CCDC12: variants seen among roughly 807,000 people sequenced by gnomAD.
CCDC12 encodes coiled-coil domain containing 12, also known as coiled-coil domain-containing protein 12.
In CCDC12, 28 loss-of-function variants were observed where a neutral mutation model predicts 25.7. The observed-to-expected ratio is 1.09, with a 90% CI of 0.81 to 1.50. CCDC12 has a LOEUF of 1.50. CCDC12 is among the 40% of genes most tolerant of loss of function. The probability of loss-of-function intolerance (pLI) is 0.00; values close to 1 mark genes in which losing one functional copy is unlikely to be tolerated. For synonymous variants in CCDC12, 75 were observed against 87.7 expected (o/e 0.86, Z 0.81); for missense variants, 198 against 210.0 (o/e 0.94, Z 0.35).
intron 1 of CCDC12, among the ~76,000 whole-genome samples, chr3:46,960,943 T>G: frequency 6.6e-6 from 1 of 151,056 alleles, no homozygotes; most frequent in East Asian, 2.0e-4. Flanking sequence ...TTGGGGTTTG[T>G]AGGTGTGGGT....
At chr3:46,959,626 C>T (rs981593142) in intron 1 of CCDC12, among the ~76,000 whole-genome samples, 1 of 152,162 alleles carries the variant, frequency 6.6e-6, no homozygotes, top group Non-Finnish European at 1.5e-5. Flanking sequence ...CCTCGAGCTA[C>T]CACAGTTGAG....
intron 1 of CCDC12, among the ~76,000 whole-genome samples, chr3:46,974,765 T>A (rs1413974265): frequency 6.6e-6 from 1 of 152,224 alleles, no homozygotes; most frequent in Non-Finnish European, 1.5e-5. Flanking sequence ...CAGGTCTAGC[T>A]ATTTAACATT....
At chr3:46,975,365 A>G (rs780558417) in intron 1 of CCDC12, among the ~76,000 whole-genome samples, 21 of 151,612 alleles carry the variant, frequency 1.4e-4, no homozygotes, top group Non-Finnish European at 2.8e-4. Context: ...TTGTATTTTC[A>G]GTAGAAATGG....
chr3:46,930,465 G>A (rs2033161441), intron 2 of CCDC12, among the ~76,000 whole-genome samples: 1 of 152,190 alleles, frequency 6.6e-6, no homozygotes. Context: ...GAGTCTATGG[G>A]AAGGAGGGCA....
intron 2 of CCDC12, among the ~76,000 whole-genome samples, chr3:46,937,516 C>T (rs765259734): frequency 6.6e-6 from 1 of 152,208 alleles, no homozygotes; most frequent in Non-Finnish European, 1.5e-5. Flanking sequence ...GAAGGATGCT[C>T]ACTGGCGAAT....
chr3:46,955,940 C>T (rs1356688355), intron 1 of CCDC12, among the ~76,000 whole-genome samples: 3 of 152,208 alleles, frequency 2.0e-5, no homozygotes, highest in Non-Finnish European at 4.4e-5. Flanking sequence ...CCCACCAATA[C>T]CCCGGAATCA....
chr3:46,962,292 G>C (rs778065679), intron 1 of CCDC12, among the ~76,000 whole-genome samples: 2 of 151,774 alleles, frequency 1.3e-5, no homozygotes, highest in Admixed American at 6.6e-5. Context: ...AAATTAGCTG[G>C]GCATGGTGGT....
At chr3:46,922,706 A>C (rs1457549999) in intron 5 of CCDC12, 2 of 306,966 alleles carry the variant, frequency 6.5e-6, no homozygotes, top group African/African-American at 4.3e-5. Flanking sequence ...CCAGAAGTGC[A>C]CAAGCACTCA....
At chr3:46,936,415 G>A (rs1417329477) in intron 2 of CCDC12, among the ~76,000 whole-genome samples, 3 of 152,172 alleles carry the variant, frequency 2.0e-5, no homozygotes, top group Non-Finnish European at 2.9e-5. Context: ...AGGACCTCAC[G>A]GTGCCTTCCT....
At chr3:46,929,331 G>T (rs80272914) in intron 2 of CCDC12, among the ~76,000 whole-genome samples, 1 of 152,320 alleles carries the variant, frequency 6.6e-6, no homozygotes, top group African/African-American at 2.4e-5. Context: ...AAAAAGGAAA[G>T]TCAAGAAACA....
chr3:46,945,179 C>G (rs767862508), intron 1 of CCDC12, among the ~76,000 whole-genome samples: 1 of 152,206 alleles, frequency 6.6e-6, no homozygotes, highest in Non-Finnish European at 1.5e-5. Flanking sequence ...CCTCTCAGCA[C>G]GGGGCATCTC....
intron 5 of CCDC12, chr3:46,923,034 C>T (rs374492555): frequency 1.9e-5 from 6 of 317,626 alleles, no homozygotes; most frequent in Non-Finnish European, 2.9e-5. Flanking sequence ...CCAAAGACAG[C>T]GGTTGGCCTT....
At chr3:46,951,299 G>C (rs2034105512) in intron 1 of CCDC12, among the ~76,000 whole-genome samples, 1 of 152,074 alleles carries the variant, frequency 6.6e-6, no homozygotes, top group South Asian at 2.1e-4. Flanking sequence ...GTTTAAGGGA[G>C]CTACTGCACA....
intron 1 of CCDC12, among the ~76,000 whole-genome samples, chr3:46,968,421 C>T (rs2034702374): frequency 6.6e-6 from 1 of 152,146 alleles, no homozygotes; most frequent in Non-Finnish European, 1.5e-5. Context: ...TCCCCACTTA[C>T]AAGAGGGTAA....
intron 1 of CCDC12, among the ~76,000 whole-genome samples, chr3:46,964,647 C>T (rs2107187043): frequency 6.6e-6 from 1 of 152,288 alleles, no homozygotes; most frequent in South Asian, 2.1e-4. Context: ...GATCTATGAC[C>T]TTACCCCCAA....
chr3:46,933,847 GCA>G (rs1334173407), intron 2 of CCDC12, among the ~76,000 whole-genome samples: 1 of 152,132 alleles, frequency 6.6e-6, no homozygotes, highest in Non-Finnish European at 1.5e-5. Context: ...AGCATGATAT[GCA>G]CAGATACATG....
At chr3:46,976,577 C>G in intron 1 of CCDC12, 60 bp downstream of exon 1, 3 of 1,564,274 alleles carry the variant, frequency 1.9e-6, no homozygotes, top group Non-Finnish European at 2.6e-6. Context: ...TCTCCTCAAG[C>G]GCGACCCGGA....
intron 2 of CCDC12, among the ~76,000 whole-genome samples, chr3:46,930,360 G>A (rs1237085261): frequency 6.6e-6 from 1 of 152,244 alleles, no homozygotes; most frequent in African/African-American, 2.4e-5. Context: ...CCTCAGCTCT[G>A]CTGGTGGCCA....
rs979135768 is a variant in CCDC12 at position 46,923,772 on chromosome 3, C to T, written c.245-104G>A. The T allele has an allele frequency of 3.0e-6, 3 of 986,736 alleles. No homozygotes were observed. The African/African-American group carries it at 5.0e-5, about 16-fold the overall frequency. The allele number at this position is 986,736 out of a possible 1,614,324, so 61.1% of individuals were successfully genotyped here. ...CAGGGAGAGACGGGACCCCAGGCTTCCTTGCTCCCACCTCTGTGTGGCCCG... is the reference window on the plus strand; with the variant it reads ...CAGGGAGAGACGGGACCCCAGGCTTTCTTGCTCCCACCTCTGTGTGGCCCG... On this transcript the variant is annotated intron_variant, in intron 3 of 6. Transcript: ENST00000683445.
Sources: gnomAD v4.1 joint callset for allele counts (sites outside exome capture counted in the v4.1 genomes callset) on GRCh38, gnomAD v4.1.1 for gene constraint, MANE v1.5 for transcripts, NCBI Gene and HGNC (gene_info 2026-07-23, HGNC 2026-07-21) for gene names.